Variants in ZNF160 observed in about 807,000 individuals in gnomAD.
ZNF160 encodes the protein KRAB zinc finger protein KR18.
In ZNF160, 9 loss-of-function variants were observed where a neutral mutation model predicts 13.1. The observed-to-expected ratio is 0.69, with a 90% CI of 0.41 to 1.20. The LOEUF (loss-of-function observed/expected upper bound fraction) is 1.20, where lower values mean the gene tolerates loss of function less well. ZNF160 is among the 50% of genes most tolerant of loss of function. ZNF160 has a pLI of 0.01. For missense variants in ZNF160, 838 were observed against 988.0 expected, an observed-to-expected ratio of 0.85 and a Z score of 2.04; for synonymous variants, 293 against 333.2, an observed-to-expected ratio of 0.88 and a Z score of 1.31.
At chr19:53,071,083 C>T (rs2084155888) in intron 5 of ZNF160, among the ~76,000 whole-genome samples, 1 of 152,100 alleles carries the variant, frequency 6.6e-6, no homozygotes, top group Non-Finnish European at 1.5e-5. Flanking sequence ...ATAGTCCCAG[C>T]TTCTCAGGAG....
chr19:53,070,397 AT>A lies in ZNF160; in HGVS notation c.272-136del, dbSNP rs1391797266. ...TGGAACTTCAGAACTGTGAATTTCA[AT>A]TGTTAGGAACAAAAATGTTTTTTTT... On this transcript the variant is annotated intron_variant, in intron 5 of 5. Coordinates refer to ENST00000683776, the MANE Select transcript of ZNF160 (RefSeq NM_001322131.2). 8.6e-5 allele frequency: 81 copies of A among 938,402 alleles called. 1 individual carries two copies. In the East Asian group the frequency reaches 2.4e-3, roughly 27 times the overall value. The allele number at this position is 938,402 out of a possible 1,614,324, so 58.1% of individuals were successfully genotyped here.
At chr19:53,083,850 T>G (rs539469821) in intron 3 of ZNF160, among the ~76,000 whole-genome samples, 1 of 152,368 alleles carries the variant, frequency 6.6e-6, no homozygotes, top group Non-Finnish European at 1.5e-5. Context: ...AAGGCTACAG[T>G]GAGCCATGAC....
chr19:53,101,171 T>A (rs568376706), intron 1 of ZNF160, among the ~76,000 whole-genome samples: 2 of 152,022 alleles, frequency 1.3e-5, no homozygotes, highest in Non-Finnish European at 2.9e-5. Context: ...TCCCAGCTAG[T>A]TGGAAGGCTG....
chr19:53,074,921 G>A lies in ZNF160; in HGVS notation c.142+136C>T, dbSNP rs1011134206. Reference sequence around the variant, plus strand: ...GAAGATTAAAGTCCAGGTTTCCCATGATTAAGCTTTCCATTTCAGAGTCAA... The same window carrying A: ...GAAGATTAAAGTCCAGGTTTCCCATAATTAAGCTTTCCATTTCAGAGTCAA... On this transcript the variant is annotated intron_variant, in intron 4 of 5. Coordinates refer to ENST00000683776, the MANE Select transcript of ZNF160 (RefSeq NM_001322131.2). 1.4e-5 allele frequency: 16 copies of A among 1,176,466 alleles called. No homozygotes were observed. The Admixed American group carries it at 1.6e-4, about 12-fold the overall frequency. 72.9% of individuals were successfully genotyped at this position (1,176,466 alleles called of 1,614,324 possible). A position where few individuals can be genotyped will look rare whatever the true frequency, so the allele number is the denominator to read the frequency against.
rs150179690 is a variant in ZNF160, at chr19:53,070,304, G to C, written c.272-42C>G. The C allele has an allele frequency of 1.9e-3, 2,785 of 1,468,982 alleles. 36 individuals are homozygous for C. Among genetic ancestry groups the C allele is most frequent in the East Asian group, 8.2e-3 (352 of 42,712 alleles). The allele number at this position is 1,468,982 out of a possible 1,614,324, so 91.0% of individuals were successfully genotyped here. A position where few individuals can be genotyped will look rare whatever the true frequency, so the allele number is the denominator to read the frequency against. ...ACCACATAATTTCCAATTAATTACA[G>C]TATAGAAATAAATATTTTACATTGA... On this transcript the variant is annotated intron_variant, in intron 5 of 5. Coordinates refer to ENST00000683776, the MANE Select transcript of ZNF160 (RefSeq NM_001322131.2).
chr19:53,095,678 G>T (rs2085206858), intron 1 of ZNF160: 1 of 152,048 alleles, frequency 6.6e-6, no homozygotes, highest in Non-Finnish European at 1.5e-5. Context: ...AACGGATGAG[G>T]AATACAAAAT....
intron 1 of ZNF160, among the ~76,000 whole-genome samples, chr19:53,101,618 T>C (rs540706745): frequency 1.4e-4 from 21 of 152,258 alleles, no homozygotes; most frequent in African/African-American, 5.1e-4. Context: ...ACCTTCAGCA[T>C]GAACTGTGAG....
At chr19:53,081,523 C>A (rs992563118) in intron 3 of ZNF160, among the ~76,000 whole-genome samples, 9 of 151,932 alleles carry the variant, frequency 5.9e-5, no homozygotes, top group Admixed American at 5.2e-4. Flanking sequence ...TGCTCAACAC[C>A]CCGATCATCA....
chr19:53,097,510 AGCCCCAGTAACTCATGGAAT>A (rs112159087), intron 1 of ZNF160, among the ~76,000 whole-genome samples: 13 of 152,076 alleles, frequency 8.5e-5, no homozygotes, highest in African/African-American at 3.1e-4. Flanking sequence ...AAATCTCACA[AGCCCCAGTAACTCATGGAAT>A]AATATACACA....
rs1362495615 is a variant in ZNF160, at chr19:53,067,945, A to AT, written c.*131dup. Reference sequence around the variant, plus strand: ...TATGTTTACATGATGTCTCTTGCTTATGGCCTCTCATATCTATTAATGCTT... The same window carrying AT: ...TATGTTTACATGATGTCTCTTGCTTATTGGCCTCTCATATCTATTAATGCTT... On this transcript the variant is annotated 3_prime_UTR_variant, in exon 6 of 6. Coordinates refer to ENST00000683776, the MANE Select transcript of ZNF160 (RefSeq NM_001322131.2). 7.8e-7 allele frequency: 1 copy of AT among 1,275,310 alleles called. No homozygotes were observed. The highest frequency in any genetic ancestry group is 1.5e-5 in the African/African-American group (1 of 67,192). The allele number at this position is 1,275,310 out of a possible 1,614,324, so 79.0% of individuals were successfully genotyped here. A position where few individuals can be genotyped will look rare whatever the true frequency, so the allele number is the denominator to read the frequency against.
Position 53,069,382 on chromosome 19 carries a change from A to G in ZNF160, c.1152T>C (p.Leu384=). ...CGKLFTQNSH[L]ISHWRIHTGE... The stretch of plus-strand genomic sequence containing the variant: ...CAGTGTGAATTCTCCAATGACTTAT[A>G]AGGTGTGAATTTTGAGTGAAGAGCT... Residue 384 remains leucine, a synonymous_variant, in exon 6 of 6, where the codon CTT becomes CTC. Transcript: ENST00000683776. The surrounding 1 kb of genome is among the most constrained non-coding windows in gnomAD (Gnocchi z 4.4). 6.2e-7 allele frequency: 1 copy of G among 1,613,980 alleles called. No homozygotes were observed. Among genetic ancestry groups the G allele is most frequent in the South Asian group, 1.1e-5 (1 of 91,062 alleles).
At position 53,069,476 on chromosome 19, in the gene ZNF160, T is replaced by C. The variant is rs761424999; in HGVS notation, c.1058A>G (p.His353Arg). The part of the protein sequence containing the change: ...CNECGKAFRG[H>R]SNLTTHQLIH... Reference sequence around the variant, plus strand: ...TAACTGATGGGTAGTTAGGTTTGAATGTCCTCTAAAGGCTTTTCCACACTC... The same window carrying C: ...TAACTGATGGGTAGTTAGGTTTGAACGTCCTCTAAAGGCTTTTCCACACTC... The change falls in exon 6 of 6, where the codon CAT becomes CGT. Residue 353 changes from histidine (H) to arginine (R), a missense_variant. By Grantham distance (29) the His-to-Arg change is conservative. This residue lies in a region of ZNF160 where 400 missense variants were observed against 538.9 expected (regional missense o/e 0.74). Coordinates refer to ENST00000683776, the MANE Select transcript of ZNF160 (RefSeq NM_001322131.2). The surrounding 1 kb of genome is among the most constrained non-coding windows in gnomAD (Gnocchi z 4.4). 1.2e-6 allele frequency: 2 copies of C among 1,613,938 alleles called. No homozygotes were observed. The highest frequency in any genetic ancestry group is 1.3e-5 in the African/African-American group (1 of 74,886).
intron 1 of ZNF160, among the ~76,000 whole-genome samples, chr19:53,092,349 C>T (rs1275738174): frequency 3.3e-5 from 5 of 151,884 alleles, no homozygotes; most frequent in African/African-American, 1.2e-4. Context: ...CTCCCTCTGT[C>T]GCTCAGGCTA....
chr19:53,067,992 C>T lies in ZNF160; in HGVS notation c.*85G>A, dbSNP rs916895687. On this transcript the variant is annotated 3_prime_UTR_variant, in exon 6 of 6. Coordinates refer to ENST00000683776, the MANE Select transcript of ZNF160 (RefSeq NM_001322131.2). ...GCTTCAACTCATGAGGGATTGGCCA[C>T]TGTCACTACATTTGTAAGGATTCTG... The T allele has an allele frequency of 1.3e-6, 2 of 1,512,360 alleles. No homozygotes were observed. Among genetic ancestry groups the T allele is most frequent in the Admixed American group, 2.2e-5 (1 of 46,494 alleles). 93.7% of individuals were successfully genotyped at this position (1,512,360 alleles called of 1,614,324 possible). A position where few individuals can be genotyped will look rare whatever the true frequency, so the allele number is the denominator to read the frequency against.
intron 3 of ZNF160, chr19:53,085,211 C>T: frequency 2.0e-6 from 2 of 985,398 alleles, no homozygotes; most frequent in South Asian, 9.4e-5. Context: ...AAAGTGAGCT[C>T]CTGTTTCCTA....
chr19:53,073,317 C>T (rs781427937), intron 5 of ZNF160: 14 of 1,589,784 alleles, frequency 8.8e-6, no homozygotes, highest in African/African-American at 5.4e-5. Context: ...GGTGTCTTTA[C>T]GGTTATGCTG....
Position 53,074,211 on chromosome 19 carries a change from C to T in ZNF160, c.200G>A (p.Trp67Ter). 2 of 1,613,882 alleles carry T rather than the reference C, an allele frequency of 1.2e-6. No individual in the cohort carries two copies. Among genetic ancestry groups the T allele is most frequent in the Non-Finnish European group, 1.7e-6 (2 of 1,179,966 alleles). Residue 67 changes from tryptophan (W) to a stop codon, truncating the protein, a stop_gained, in exon 5 of 6, where the codon TGG becomes TAG. Transcript: ENST00000683776. LOFTEE classifies it high-confidence loss of function. ...TATTTTCACACAGCTCTTCACAGTC[C>T]AGGGCTCTTTCCCTTCCTCCAACAT... ...ISMLEEGKEPWTVKSCVKIAR... is the reference protein window; with the variant it reads ...ISMLEEGKEP
intron 1 of ZNF160, among the ~76,000 whole-genome samples, chr19:53,099,755 G>A (rs1240398059): frequency 6.6e-6 from 1 of 152,186 alleles, no homozygotes; most frequent in African/African-American, 2.4e-5. Flanking sequence ...CAAACATTAA[G>A]GGGATTAGTA....
chr19:53,070,311 A>G (rs1453752908), intron 5 of ZNF160, 49 bp from the exon 6 acceptor site: 1 of 1,452,162 alleles, frequency 6.9e-7, no homozygotes, highest in East Asian at 2.4e-5. Context: ...ACAGTATAGA[A>G]ATAAATATTT....
Sources: allele counts gnomAD v4.1 joint callset (sites outside exome capture counted in the v4.1 genomes callset), GRCh38; gene constraint gnomAD v4.1.1; regional missense constraint gnomAD v4.1.1; non-coding constraint Gnocchi (gnomAD v3.1); transcripts MANE v1.5; gene names NCBI Gene and HGNC (gene_info 2026-07-23, HGNC 2026-07-21).